The following SH3BGRL variants were observed in gnomAD, a reference collection of about 807,000 sequenced individuals.
SH3BGRL encodes adapter SH3BGRL.
In SH3BGRL, 7 loss-of-function variants were observed where a neutral mutation model predicts 9.8. The observed-to-expected ratio is 0.72, with a 90% CI of 0.41 to 1.35. SH3BGRL has a LOEUF of 1.35. Among genes scored for constraint, SH3BGRL ranks in the 40% most tolerant of loss-of-function variants. The probability of loss-of-function intolerance (pLI) is 0.01; values close to 1 mark genes in which losing one functional copy is unlikely to be tolerated. For synonymous variants in SH3BGRL, 36 were observed against 29.1 expected (o/e 1.24, Z -0.76); for missense variants, 73 against 84.4 (o/e 0.86, Z 0.53).
chrX:81,235,411 G>T (rs557493747), intron 1 of SH3BGRL, among the ~76,000 whole-genome samples: 12 of 110,665 alleles, frequency 1.1e-4, no homozygotes, highest in African/African-American at 3.9e-4. Flanking sequence ...GCTTGGGGTT[G>T]CTAGGTAGTT....
At chrX:81,220,608 A>G (rs1345144000) in intron 1 of SH3BGRL, among the ~76,000 whole-genome samples, 1 of 104,955 alleles carries the variant, frequency 9.5e-6, no homozygotes, top group Non-Finnish European at 2.0e-5. Flanking sequence ...TTTTCATTTC[A>G]ATTTAATTTA....
chrX:81,238,614 T>C (rs1230096308), intron 1 of SH3BGRL, among the ~76,000 whole-genome samples: 1 of 111,728 alleles, frequency 9.0e-6, no homozygotes, highest in Non-Finnish European at 1.9e-5. Flanking sequence ...TTTTGTCACC[T>C]GCTAATTGTA....
intron 1 of SH3BGRL, among the ~76,000 whole-genome samples, chrX:81,214,795 A>G (rs1246534576): frequency 1.8e-5 from 2 of 112,331 alleles, no homozygotes; most frequent in Non-Finnish European, 3.8e-5. Context: ...GAACAGCTGG[A>G]CAATTTTTAT....
intron 3 of SH3BGRL, among the ~76,000 whole-genome samples, chrX:81,290,453 A>T (rs1370630632): frequency 1.8e-5 from 2 of 111,648 alleles, no homozygotes; most frequent in African/African-American, 3.3e-5. Context: ...GGAGATTACC[A>T]TTTTAAGTGA....
At chrX:81,244,803 C>G (rs2075683004) in intron 1 of SH3BGRL, among the ~76,000 whole-genome samples, 1 of 111,216 alleles carries the variant, frequency 9.0e-6, no homozygotes, top group Admixed American at 9.6e-5. Context: ...TCCCTCCACC[C>G]CGCTACAGGC....
chrX:81,244,538 G>A (rs1224463105), intron 1 of SH3BGRL, among the ~76,000 whole-genome samples: 1 of 111,998 alleles, frequency 8.9e-6, no homozygotes, highest in African/African-American at 3.3e-5. Flanking sequence ...AAAACCAGTT[G>A]TATGTATTAA....
chrX:81,268,314 G>A (rs777724103), intron 1 of SH3BGRL, among the ~76,000 whole-genome samples: 4 of 110,470 alleles, frequency 3.6e-5, no homozygotes, highest in South Asian at 7.6e-4. Context: ...GTGATTTTAC[G>A]GTTTCGATTT....
chrX:81,293,534 G>T (rs768912697), intron 3 of SH3BGRL, among the ~76,000 whole-genome samples: 52 of 111,664 alleles, frequency 4.7e-4, no homozygotes, highest in African/African-American at 1.5e-3. Flanking sequence ...AATACAAAAA[G>T]TAGCTGGGCA....
intron 1 of SH3BGRL, among the ~76,000 whole-genome samples, chrX:81,250,386 G>A (rs1255244808): frequency 2.1e-5 from 2 of 95,500 alleles, no homozygotes; most frequent in East Asian, 3.3e-4. Flanking sequence ...CAGCCTGGGC[G>A]ACACAGCGAG....
At position 81,297,266 on chromosome X, in the gene SH3BGRL, T is replaced by C; in HGVS notation, c.*39T>C. 1 of 1,106,124 alleles carries C rather than the reference T, an allele frequency of 9.0e-7. No individual in the cohort carries two copies. Among genetic ancestry groups the C allele is most frequent in the Non-Finnish European group, 1.2e-6 (1 of 808,077 alleles). 91.2% of individuals were successfully genotyped at this position (1,106,124 alleles called of 1,213,427 possible). A position where few individuals can be genotyped will look rare whatever the true frequency, so the allele number is the denominator to read the frequency against. Reference sequence around the variant, plus strand: ...TGCTTTAAGCATCCTGAAAAATGAGTCTCCATTGCTTTTATAAAATAGCAG... The same window carrying C: ...TGCTTTAAGCATCCTGAAAAATGAGCCTCCATTGCTTTTATAAAATAGCAG... On this transcript the variant is annotated 3_prime_UTR_variant, in exon 4 of 4. Transcript: ENST00000373212.
intron 3 of SH3BGRL, among the ~76,000 whole-genome samples, chrX:81,296,808 C>A (rs767689635): frequency 4.5e-5 from 5 of 111,243 alleles, no homozygotes; most frequent in African/African-American, 1.3e-4. Flanking sequence ...AGCACATTTT[C>A]TAAGTAATTT....
chrX:81,218,723 A>G (rs1158087325), intron 1 of SH3BGRL, among the ~76,000 whole-genome samples: 3 of 104,782 alleles, frequency 2.9e-5, no homozygotes, highest in African/African-American at 1.0e-4. Flanking sequence ...ACAGATATGT[A>G]TATATATCTG....
intron 1 of SH3BGRL, among the ~76,000 whole-genome samples, chrX:81,270,961 G>A (rs984159922): frequency 2.7e-5 from 3 of 111,579 alleles, no homozygotes; most frequent in African/African-American, 9.8e-5. Context: ...AAAGGTGGAC[G>A]TCCCCCCCCA....
At chrX:81,215,581 A>G (rs773834107) in intron 1 of SH3BGRL, among the ~76,000 whole-genome samples, 31 of 111,146 alleles carry the variant, frequency 2.8e-4, no homozygotes, top group African/African-American at 9.2e-4. Flanking sequence ...GTCTGCAAAT[A>G]AGAAAGGAGT....
At chrX:81,226,241 C>T (rs2075616245) in intron 1 of SH3BGRL, among the ~76,000 whole-genome samples, 1 of 110,405 alleles carries the variant, frequency 9.1e-6, no homozygotes, top group Admixed American at 9.7e-5. Context: ...AAATCTTCTC[C>T]TTGCTATTAG....
chrX:81,265,385 G>C (rs1159459469), intron 1 of SH3BGRL, among the ~76,000 whole-genome samples: 1 of 109,009 alleles, frequency 9.2e-6, no homozygotes, highest in Admixed American at 9.9e-5. Context: ...ACAGGCCCCG[G>C]TGTGTGATGT....
rs770113495 is a variant in SH3BGRL at position 81,266,133 on chromosome X, T to C, written c.46-10851T>C. Among the ~76,000 whole-genome samples, 4 of 112,236 alleles carry C rather than the reference T, an allele frequency of 3.6e-5. No individual in the cohort carries two copies. In the East Asian group the frequency reaches 1.1e-3, roughly 32 times the overall value. On this transcript the variant is annotated intron_variant, in intron 1 of 3. Coordinates refer to ENST00000373212, the MANE Select transcript of SH3BGRL (RefSeq NM_003022.3). The stretch of plus-strand genomic sequence containing the variant: ...AGATGGACAGATTGCAAAAATTTTC[T>C]CCCGTTCTGTAGGTTGCCTGTTCAC...
At chrX:81,216,759 G>A (rs191237211) in intron 1 of SH3BGRL, among the ~76,000 whole-genome samples, 5 of 111,343 alleles carry the variant, frequency 4.5e-5, no homozygotes, top group East Asian at 5.6e-4. Context: ...TTAAGTTGTC[G>A]CAAATGAAAG....
chrX:81,238,792 CAGAG>C (rs766291990), intron 1 of SH3BGRL, among the ~76,000 whole-genome samples: 1,689 of 91,221 alleles, frequency 0.019, 30 homozygotes, highest in African/African-American at 0.056. Context: ...TAGTGCAGAA[CAGAG>C]AGAGAGAGAG....
Sources: allele counts gnomAD v4.1 joint callset (sites outside exome capture counted in the v4.1 genomes callset), GRCh38; gene constraint gnomAD v4.1.1; transcripts MANE v1.5; gene names NCBI Gene and HGNC (gene_info 2026-07-23, HGNC 2026-07-21).